Variants in ZNF385D observed in about 807,000 individuals in gnomAD.
ZNF385D encodes the protein zinc finger protein 385D.
In ZNF385D, 15 loss-of-function variants were observed where a neutral mutation model predicts 35.8. The ratio of observed to expected loss-of-function variants is 0.42; its 90% CI spans 0.28 to 0.64. The LOEUF is 0.64. Among genes scored for constraint, ZNF385D ranks in the 30% least tolerant of loss-of-function variants. ZNF385D has a pLI of 0.23. For synonymous variants in ZNF385D, 212 were observed against 186.8 expected, an observed-to-expected ratio of 1.13 and a Z score of -1.10; for missense variants, 474 against 494.6, an observed-to-expected ratio of 0.96 and a Z score of 0.39.
intron 3 of ZNF385D, among the ~76,000 whole-genome samples, chr3:22,156,971 T>C (rs935942893): frequency 6.6e-6 from 1 of 152,144 alleles, no homozygotes; most frequent in Non-Finnish European, 1.5e-5. Flanking sequence ...GTTCGCCTAT[T>C]TTAACCTCTC....
chr3:22,016,827 C>T (rs531502579), intron 3 of ZNF385D, among the ~76,000 whole-genome samples: 2 of 152,086 alleles, frequency 1.3e-5, no homozygotes, highest in South Asian at 4.1e-4. Context: ...ACAGTTCAAG[C>T]TCCTAGCCTG....
intron 3 of ZNF385D, among the ~76,000 whole-genome samples, chr3:22,092,827 A>G (rs976795784): frequency 2.6e-5 from 4 of 152,198 alleles, no homozygotes; most frequent in Non-Finnish European, 5.9e-5. Context: ...AGTTTGAGAA[A>G]AAAAGAAAGT....
At chr3:21,860,327 T>G (rs926700394) in intron 3 of ZNF385D, among the ~76,000 whole-genome samples, 1 of 152,120 alleles carries the variant, frequency 6.6e-6, no homozygotes, top group African/African-American at 2.4e-5. Context: ...GCATTACTAT[T>G]AAGCCTTATT....
At chr3:21,660,425 A>G (rs1253958379) in intron 2 of ZNF385D, among the ~76,000 whole-genome samples, 2 of 152,182 alleles carry the variant, frequency 1.3e-5, no homozygotes, top group African/African-American at 2.4e-5. Flanking sequence ...AGTTTTCCTC[A>G]TTTAATCTTT....
rs1020238445 is a variant in ZNF385D, at chr3:22,210,680, T to C, written c.107-41645A>G. ...CACATCTTTCAGAAATTATTTTCAA[T>C]ACATGAAAGGTTCCTTGGAGATTAA... On this transcript the variant is annotated intron_variant, in intron 2 of 5. Coordinates refer to the ZNF385D transcript ENST00000494108. Among the ~76,000 whole-genome samples, 4 of 151,912 alleles carry C rather than the reference T, an allele frequency of 2.6e-5. No homozygotes were observed. The Admixed American group carries it at 2.6e-4, about 10-fold the overall frequency.
At chr3:22,249,732 G>C (rs541069255) in intron 2 of ZNF385D, among the ~76,000 whole-genome samples, 1 of 152,310 alleles carries the variant, frequency 6.6e-6, no homozygotes, top group Middle Eastern at 3.4e-3. Flanking sequence ...ATGTGCAAAT[G>C]CACATCATTT....
chr3:22,226,396 G>T (rs1049305134), intron 2 of ZNF385D, among the ~76,000 whole-genome samples: 8 of 152,188 alleles, frequency 5.3e-5, no homozygotes, highest in Non-Finnish European at 8.8e-5. Flanking sequence ...CGAGCAGAGA[G>T]AGCTCAGCAG....
chr3:22,151,300 G>C (rs775052314), intron 3 of ZNF385D, among the ~76,000 whole-genome samples: 33 of 152,094 alleles, frequency 2.2e-4, no homozygotes, highest in Admixed American at 9.8e-4. Context: ...AATGAATCAA[G>C]AATCAGAGAA....
intron 3 of ZNF385D, among the ~76,000 whole-genome samples, chr3:21,533,760 TAA>T (rs1351400324): frequency 6.6e-6 from 1 of 152,128 alleles, no homozygotes; most frequent in Non-Finnish European, 1.5e-5. Context: ...TCTATATTTT[TAA>T]AAGACTATTT....
rs1611929 is a variant in ZNF385D, at chr3:21,416,469, G to C, written c.*4745C>G. 2.0e-5 allele frequency: 3 copies of C among 151,942 alleles called. No homozygotes were observed. The highest frequency in any genetic ancestry group is 7.2e-5 in the African/African-American group (3 of 41,398). The allele number at this position is 151,942 out of a possible 1,614,324, so 9.4% of individuals were successfully genotyped here. A position where few individuals can be genotyped will look rare whatever the true frequency, so the allele number is the denominator to read the frequency against. ...ATGAGCATGACATGTCAACCTATCCGTCTTTCACTGGACACCCTGATACCA... is the reference window on the plus strand; with the variant it reads ...ATGAGCATGACATGTCAACCTATCCCTCTTTCACTGGACACCCTGATACCA... On this transcript the variant is annotated 3_prime_UTR_variant, in exon 8 of 8. Coordinates refer to ENST00000281523, the MANE Select transcript of ZNF385D (RefSeq NM_024697.3).
intron 2 of ZNF385D, among the ~76,000 whole-genome samples, chr3:22,339,329 T>A (rs1695319059): frequency 6.6e-6 from 1 of 152,168 alleles, no homozygotes; most frequent in African/African-American, 2.4e-5. Context: ...ATAGCTAATA[T>A]CATTTTCTCA....
chr3:21,603,927 G>C (rs776720294), intron 2 of ZNF385D, among the ~76,000 whole-genome samples: 2 of 152,150 alleles, frequency 1.3e-5, no homozygotes, highest in Non-Finnish European at 2.9e-5. Context: ...AATAGGAGTA[G>C]AAGTAGCTTA....
chr3:21,559,031 C>T (rs1487247492), intron 3 of ZNF385D, among the ~76,000 whole-genome samples: 1 of 129,254 alleles, frequency 7.7e-6, no homozygotes, highest in Non-Finnish European at 1.6e-5. Context: ...AGTAAATATT[C>T]CTCCTACCCT....
chr3:22,168,613 C>A (rs574377843), intron 3 of ZNF385D: 2 of 178,938 alleles, frequency 1.1e-5, no homozygotes, highest in South Asian at 1.9e-4. Context: ...CAGGTCACAA[C>A]CCTAATACAA....
chr3:22,293,854 C>A (rs114884975), intron 2 of ZNF385D, among the ~76,000 whole-genome samples: 7,364 of 152,168 alleles, frequency 0.048, 243 homozygotes, highest in Middle Eastern at 0.082. Flanking sequence ...TTCCTGCAAT[C>A]CCTCCAGGTA....
intron 1 of ZNF385D, among the ~76,000 whole-genome samples, chr3:21,698,685 G>A (rs1302536711): frequency 6.6e-6 from 1 of 151,662 alleles, no homozygotes; most frequent in Non-Finnish European, 1.5e-5. Flanking sequence ...CAAAGGATAT[G>A]AACTGACACT....
intron 3 of ZNF385D, among the ~76,000 whole-genome samples, chr3:21,890,126 T>C (rs1334356661): frequency 6.6e-6 from 1 of 152,138 alleles, no homozygotes; most frequent in Non-Finnish European, 1.5e-5. Context: ...TATATCTTTT[T>C]GGGGAGATGC....
chr3:22,090,639 G>A (rs1438072041), intron 3 of ZNF385D, among the ~76,000 whole-genome samples: 1 of 152,154 alleles, frequency 6.6e-6, no homozygotes, highest in Non-Finnish European at 1.5e-5. Context: ...TTTGTGGGTT[G>A]AGTAAATTAC....
At chr3:21,978,826 T>C (rs1248805820) in intron 3 of ZNF385D, among the ~76,000 whole-genome samples, 1 of 152,176 alleles carries the variant, frequency 6.6e-6, no homozygotes, top group East Asian at 1.9e-4. Context: ...ATGACAAATG[T>C]TTCCTGCATT....
Sources: allele counts gnomAD v4.1 joint callset (sites outside exome capture counted in the v4.1 genomes callset), GRCh38; gene constraint gnomAD v4.1.1; transcripts MANE v1.5; gene names NCBI Gene and HGNC (gene_info 2026-07-23, HGNC 2026-07-21).